The following GSE1 variants were observed in gnomAD, a reference collection of about 807,000 sequenced individuals.
The protein encoded by GSE1 is genetic suppressor element 1.
A neutral mutation model predicts 112.6 loss-of-function variants in GSE1; 32 were observed. The observed-to-expected ratio is 0.28, with a 90% CI of 0.21 to 0.38. The LOEUF (loss-of-function observed/expected upper bound fraction) is 0.38, where lower values mean the gene tolerates loss of function less well. GSE1 is among the 10% of genes least tolerant of loss of function. GSE1 has a pLI of 1.00. For synonymous variants in GSE1, 1,115 were observed against 735.6 expected (o/e 1.52, Z -8.35); for missense variants, 2,348 against 1,699.2 (o/e 1.38, Z -6.71).
chr16:85,435,276 G>C (rs559351456), intron 2 of GSE1, among the ~76,000 whole-genome samples: 2 of 152,098 alleles, frequency 1.3e-5, no homozygotes, highest in African/African-American at 2.4e-5. Context: ...CTTCTCCCCA[G>C]CTCTAGAGAT....
At chr16:85,318,824 G>A (rs971662851) in intron 1 of GSE1, among the ~76,000 whole-genome samples, 3 of 152,190 alleles carry the variant, frequency 2.0e-5, no homozygotes, top group African/African-American at 7.2e-5. Flanking sequence ...CAGGGTCGGG[G>A]AGACCTCCCG....
intron 2 of GSE1, among the ~76,000 whole-genome samples, chr16:85,408,427 T>C (rs865940885): frequency 5.3e-4 from 18 of 33,964 alleles, no homozygotes; most frequent in African/African-American, 6.9e-4. Context: ...CAGGGCCCCC[T>C]GGATAATCCT....
chr16:85,581,588 C>T (rs1007323809), intron 1 of GSE1, among the ~76,000 whole-genome samples: 2 of 152,166 alleles, frequency 1.3e-5, no homozygotes, highest in Non-Finnish European at 2.9e-5. Flanking sequence ...TCTCCTCTTC[C>T]GTAGAAGTTC....
rs561750884 is a variant in GSE1, at chr16:85,542,995, A to T, written c.2465-90919A>T. 7.9e-5 allele frequency among the ~76,000 whole-genome samples: 12 copies of T among 152,332 alleles called. No individual in the cohort carries two copies. In the South Asian group the frequency reaches 1.9e-3, roughly 24 times the overall value. ...GTAATCCCAGCACTTTGGGAGGCCAAGGTGGGTAGATCATGAGTTCAGGAG... is the reference window on the plus strand; with the variant it reads ...GTAATCCCAGCACTTTGGGAGGCCATGGTGGGTAGATCATGAGTTCAGGAG... On this transcript the variant is annotated intron_variant, in intron 2 of 2. Transcript: ENST00000637419.
chr16:85,462,570 G>T (rs2049997286), intron 2 of GSE1, among the ~76,000 whole-genome samples: 1 of 151,778 alleles, frequency 6.6e-6, no homozygotes, highest in African/African-American at 2.4e-5. Flanking sequence ...CTGTCACGGC[G>T]GAGCCTTAAT....
intron 1 of GSE1, among the ~76,000 whole-genome samples, chr16:85,632,391 C>T (rs1218394066): frequency 1.3e-5 from 2 of 152,150 alleles, no homozygotes; most frequent in Non-Finnish European, 2.9e-5. Flanking sequence ...CCAGCCCTTC[C>T]CTCAGTGCCC....
Position 85,668,390 on chromosome 16 carries a change from G to T in GSE1, c.3381G>T (p.Glu1127Asp), listed in dbSNP as rs2053056315. 2 of 1,611,834 alleles carry T rather than the reference G, an allele frequency of 1.2e-6. No homozygotes were observed. The highest frequency in any genetic ancestry group is 1.7e-6 in the Non-Finnish European group (2 of 1,179,816). The part of the protein sequence containing the change: ...EVPKRKWQGI[E>D]AVFEAYQEHI... ...CCAAGCGCAAGTGGCAAGGGATCGA[G>T]GCCGTTTTTGAAGCTTACCAGGAAC... Residue 1127 changes from glutamate (E) to aspartate (D), a missense_variant, in exon 14 of 16, where the codon GAG (glutamate) becomes GAT (aspartate). Coordinates refer to ENST00000253458, the MANE Select transcript of GSE1 (RefSeq NM_014615.5).
chr16:85,422,995 G>T (rs2151743487), intron 2 of GSE1, among the ~76,000 whole-genome samples: 1 of 152,310 alleles, frequency 6.6e-6, no homozygotes, highest in East Asian at 1.9e-4. Flanking sequence ...AATAGCACCT[G>T]TAAACACCAC....
intron 1 of GSE1, among the ~76,000 whole-genome samples, chr16:85,622,045 C>CGT (rs908262161): frequency 5.9e-5 from 9 of 152,096 alleles, no homozygotes; most frequent in African/African-American, 1.9e-4. Context: ...TCTGGAGGGG[C>CGT]GTGTGTGTGT....
chr16:85,515,220 G>A (rs1024412688), intron 2 of GSE1, among the ~76,000 whole-genome samples: 2 of 152,178 alleles, frequency 1.3e-5, no homozygotes, highest in African/African-American at 2.4e-5. Flanking sequence ...TTCCATCTGC[G>A]GGCACCCGCC....
intron 1 of GSE1, among the ~76,000 whole-genome samples, chr16:85,348,123 A>G (rs2046779946): frequency 6.6e-6 from 1 of 152,156 alleles, no homozygotes; most frequent in Admixed American, 6.5e-5. Context: ...CCCAGGCTTC[A>G]AGTTTGGCCA....
Position 85,675,478 on chromosome 16 carries a change from A to C in GSE1, c.*2939A>C, listed in dbSNP as rs950792426. On this transcript the variant is annotated 3_prime_UTR_variant, in exon 16 of 16. Transcript: ENST00000253458. ...CTTTCCACATTTTAGTCTACATTCT[A>C]ATCTTAAAGGAATAAAGCACTGAAT... 6 of 152,236 alleles carry C rather than the reference A, an allele frequency of 3.9e-5. No individual in the cohort carries two copies. Among genetic ancestry groups the C allele is most frequent in the South Asian group, 2.1e-4 (1 of 4,836 alleles). The allele number at this position is 152,236 out of a possible 1,614,324, so 9.4% of individuals were successfully genotyped here. A position where few individuals can be genotyped will look rare whatever the true frequency, so the allele number is the denominator to read the frequency against.
intron 1 of GSE1, among the ~76,000 whole-genome samples, chr16:85,598,481 G>C (rs755526960): frequency 4.6e-5 from 7 of 152,202 alleles, no homozygotes; most frequent in Non-Finnish European, 2.9e-5. Context: ...AACCAACTTT[G>C]ATCTTTCAGA....
At chr16:85,580,838 C>G (rs2046419116) in intron 1 of GSE1, among the ~76,000 whole-genome samples, 1 of 152,268 alleles carries the variant, frequency 6.6e-6, no homozygotes, top group Non-Finnish European at 1.5e-5. Context: ...AGGCAGCCGT[C>G]TGCAATCCAA....
rs2048774132 is a variant in GSE1 at position 85,419,352 on chromosome 16, C to T, written c.2464+61709C>T. ...AGATGGCCGGGCGTGGTGGCTCGTG[C>T]CTATAATCCCAGCACTTTGGGAGGC... On this transcript the variant is annotated intron_variant, in intron 2 of 2. Coordinates refer to the GSE1 transcript ENST00000637419. This position sits in a 1 kb window ranked among gnomAD's most constrained non-coding sequence, Gnocchi z 6.5. Among the ~76,000 whole-genome samples, 1 of 152,024 alleles carries T rather than the reference C, an allele frequency of 6.6e-6. No homozygotes were observed. The highest frequency in any genetic ancestry group is 6.6e-5 in the Admixed American group (1 of 15,266).
At chr16:85,555,224 C>G, upstream of GSE1, 1 of 985,374 alleles carries the variant, frequency 1.0e-6, no homozygotes, top group Non-Finnish European at 1.2e-6. Flanking sequence ...ATGATTCTTG[C>G]ATGAAAATTG....
At chr16:85,665,926 G>A (rs370303275) in intron 12 of GSE1, 50 bp from the exon 13 acceptor site, 2 of 1,585,580 alleles carry the variant, frequency 1.3e-6, no homozygotes, top group Non-Finnish European at 1.7e-6. Context: ...TGGACACTCA[G>A]CCTGTTAACT....
At chr16:85,612,934 C>T (rs769571691), upstream of GSE1, among the ~76,000 whole-genome samples, 223 of 152,342 alleles carry the variant, frequency 1.5e-3, 1 homozygote, top group Non-Finnish European at 6.5e-4. Context: ...GTTAAGTGGC[C>T]GGTCTTAGCC....
Position 85,487,617 on chromosome 16 carries a change from C to A in GSE1, c.2464+129974C>A, listed in dbSNP as rs769914392. ...GCTGAGAACGGCAGAGCCAGGCTCT[C>A]GAATCCAGGTCCCCAAGTCCAGGAT... On this transcript the variant is annotated intron_variant, in intron 2 of 2. Coordinates refer to the GSE1 transcript ENST00000637419. Among the ~76,000 whole-genome samples, 3 of 152,294 alleles carry A rather than the reference C, an allele frequency of 2.0e-5. No homozygotes were observed. In the South Asian group the frequency reaches 6.2e-4, roughly 32 times the overall value.
Sources: gnomAD v4.1 joint callset for allele counts (sites outside exome capture counted in the v4.1 genomes callset) on GRCh38, gnomAD v4.1.1 for gene constraint, Gnocchi (gnomAD v3.1) non-coding constraint, MANE v1.5 for transcripts, NCBI Gene and HGNC (gene_info 2026-07-23, HGNC 2026-07-21) for gene names.